CDIN1: variants seen among roughly 807,000 people sequenced by gnomAD.
CDIN1 encodes the protein CDAN1 interacting nuclease 1, also known as CDAN1-interacting nuclease 1.
CDIN1 carries 33 observed loss-of-function variants against 45.3 expected under a neutral mutation model. That is an observed-to-expected ratio of 0.73 (90% CI 0.55 to 0.97). CDIN1 has a LOEUF of 0.97. Among genes scored for constraint, CDIN1 ranks in the 50% least tolerant of loss-of-function variants. The pLI, the probability that CDIN1 is intolerant of heterozygous loss-of-function variation, is 0.00. For synonymous variants in CDIN1, 118 were observed against 124.4 expected, an observed-to-expected ratio of 0.95 and a Z score of 0.34; for missense variants, 303 against 339.4, an observed-to-expected ratio of 0.89 and a Z score of 0.84.
chr15:36,751,728 C>T (rs2053476055), intron 10 of CDIN1, among the ~76,000 whole-genome samples: 1 of 152,038 alleles, frequency 6.6e-6, no homozygotes, highest in Non-Finnish European at 1.5e-5. Context: ...TTCACAATAG[C>T]AAAGACGTGG....
In CDIN1 at chr15:36,697,350, G is replaced by C. The variant is rs2042468419; in HGVS notation, c.504G>C (p.Leu168=). The C allele has an allele frequency of 1.2e-6, 2 of 1,612,432 alleles. No homozygotes were observed. Among genetic ancestry groups the C allele is most frequent in the Non-Finnish European group, 1.7e-6 (2 of 1,179,342 alleles). ...KHAIGHEHEV[L]LRDLLLEKNL... is the part of the protein sequence containing the mutation. ...CCATTGGTCATGAGCATGAGGTCCTGCTGAGAGACTTGCTTCTAGAGAAAA... is the reference window on the plus strand; with the variant it reads ...CCATTGGTCATGAGCATGAGGTCCTCCTGAGAGACTTGCTTCTAGAGAAAA... Residue 168 remains leucine (L), a synonymous_variant, in exon 8 of 11, where the codon CTG becomes CTC. Coordinates refer to ENST00000566621, the MANE Select transcript of CDIN1 (RefSeq NM_001321759.2).
At chr15:36,580,706 T>A (rs2037003793) in intron 1 of CDIN1, among the ~76,000 whole-genome samples, 1 of 152,240 alleles carries the variant, frequency 6.6e-6, no homozygotes, top group South Asian at 2.1e-4. Flanking sequence ...CAACATTACA[T>A]GAGGAACCAG....
intron 8 of CDIN1, chr15:36,702,097 A>T: frequency 1.4e-6 from 1 of 702,310 alleles, no homozygotes. Context: ...GCAGAGAGTA[A>T]GAGACCAGAA....
At chr15:36,753,415 A>G (rs912507051) in intron 10 of CDIN1, among the ~76,000 whole-genome samples, 1 of 152,120 alleles carries the variant, frequency 6.6e-6, no homozygotes, top group Non-Finnish European at 1.5e-5. Context: ...ATCTGGGATC[A>G]TGTAGATGGT....
At chr15:36,617,029 G>A (rs534913964) in intron 1 of CDIN1, 8 of 735,506 alleles carry the variant, frequency 1.1e-5, no homozygotes, top group East Asian at 7.3e-5. Flanking sequence ...GTTGGGGCAC[G>A]GGCCTGTGAG....
At chr15:36,692,248 C>T (rs143578983) in intron 7 of CDIN1, 73 bp downstream of exon 7, 20 of 1,406,592 alleles carry the variant, frequency 1.4e-5, no homozygotes, top group Admixed American at 2.0e-5. Flanking sequence ...CTAGCTTTAA[C>T]CTGACATAAA....
At chr15:36,621,912 T>C (rs1041002441) in intron 1 of CDIN1, among the ~76,000 whole-genome samples, 5 of 151,106 alleles carry the variant, frequency 3.3e-5, no homozygotes, top group Admixed American at 3.3e-4. Flanking sequence ...ATAGAATTGC[T>C]TTGGTCTAAG....
intron 10 of CDIN1, among the ~76,000 whole-genome samples, chr15:36,739,109 A>G (rs886444029): frequency 1.3e-4 from 20 of 152,342 alleles, no homozygotes; most frequent in African/African-American, 4.8e-4. Flanking sequence ...TGAAGAAAAC[A>G]AGGCTGGGTG....
At chr15:36,764,058 A>T (rs983147560) in intron 10 of CDIN1, among the ~76,000 whole-genome samples, 10 of 152,158 alleles carry the variant, frequency 6.6e-5, no homozygotes, top group African/African-American at 2.4e-4. Context: ...TTGGGGGTGG[A>T]GGAGGGAATC....
chr15:36,617,683 G>T, intron 1 of CDIN1: 2 of 770,438 alleles, frequency 2.6e-6, no homozygotes, highest in Non-Finnish European at 4.8e-6. Flanking sequence ...CATAAGCGTT[G>T]TATTGTGATT....
At chr15:36,596,158 A>G (rs1204818330) in intron 1 of CDIN1, among the ~76,000 whole-genome samples, 1 of 148,384 alleles carries the variant, frequency 6.7e-6, no homozygotes, top group Non-Finnish European at 1.5e-5. Context: ...TAGTAGAGTC[A>G]GTATCTTGTT....
intron 1 of CDIN1, among the ~76,000 whole-genome samples, chr15:36,589,528 C>T (rs745427600): frequency 1.3e-5 from 2 of 149,576 alleles, no homozygotes; most frequent in African/African-American, 4.9e-5. Flanking sequence ...TTTTTTGAGA[C>T]GGAGTCTTGC....
At chr15:36,755,945 T>C (rs1453694589) in intron 10 of CDIN1, 2 of 408,000 alleles carry the variant, frequency 4.9e-6, no homozygotes, top group Admixed American at 2.8e-5. Flanking sequence ...TAAAACAGGT[T>C]CATTCCCTGG....
intron 5 of CDIN1, among the ~76,000 whole-genome samples, chr15:36,667,861 A>G (rs1050784722): frequency 6.6e-6 from 1 of 152,110 alleles, no homozygotes; most frequent in Non-Finnish European, 1.5e-5. Flanking sequence ...AATATGAGCT[A>G]TTTTCTTTAC....
chr15:36,631,125 A>C (rs888941892), intron 1 of CDIN1, among the ~76,000 whole-genome samples: 1 of 152,228 alleles, frequency 6.6e-6, no homozygotes, highest in Non-Finnish European at 1.5e-5. Context: ...GAAATGATAC[A>C]TAACCTGGAA....
At chr15:36,682,077 A>ATGTG (rs745531678) in intron 5 of CDIN1, among the ~76,000 whole-genome samples, 81 of 149,616 alleles carry the variant, frequency 5.4e-4, no homozygotes, top group African/African-American at 1.3e-3. Context: ...GGGTGTGTGT[A>ATGTG]TGTGTGTGTG....
At chr15:36,684,771 T>C (rs1042563229) in intron 5 of CDIN1, among the ~76,000 whole-genome samples, 2 of 151,926 alleles carry the variant, frequency 1.3e-5, no homozygotes, top group African/African-American at 4.8e-5. Flanking sequence ...GTTATTGGTC[T>C]ATTCAGAGAT....
At chr15:36,618,316 G>T in intron 1 of CDIN1, 2 of 670,352 alleles carry the variant, frequency 3.0e-6, no homozygotes, top group South Asian at 1.8e-5. Context: ...TTTTTCAACT[G>T]AAAGCATAAT....
At chr15:36,639,007 TACTTA>T (rs1192776266) in intron 1 of CDIN1, among the ~76,000 whole-genome samples, 2 of 152,246 alleles carry the variant, frequency 1.3e-5, no homozygotes, top group Non-Finnish European at 1.5e-5. Flanking sequence ...TTATGTATTT[TACTTA>T]ACTTCTCTTC....
Sources: allele counts gnomAD v4.1 joint callset (sites outside exome capture counted in the v4.1 genomes callset), GRCh38; gene constraint gnomAD v4.1.1; transcripts MANE v1.5; gene names NCBI Gene and HGNC (gene_info 2026-07-23, HGNC 2026-07-21).